Variants in TTC39C observed in about 807,000 individuals in gnomAD.
TTC39C encodes tetratricopeptide repeat protein 39C.
In TTC39C, 33 loss-of-function variants were observed where a neutral mutation model predicts 76.3. The ratio of observed to expected loss-of-function variants is 0.43; its 90% CI spans 0.33 to 0.58. The LOEUF is 0.58. Among genes scored for constraint, TTC39C ranks in the 20% least tolerant of loss-of-function variants. The pLI, the probability that TTC39C is intolerant of heterozygous loss-of-function variation, is 0.04. For missense variants in TTC39C, 595 were observed against 701.4 expected, an observed-to-expected ratio of 0.85 and a Z score of 1.71; for synonymous variants, 254 against 260.6, an observed-to-expected ratio of 0.97 and a Z score of 0.24.
rs142253813 is a variant in TTC39C at position 24,080,907 on chromosome 18, C to G, written c.783C>G (p.Ser261Arg). 6.2e-7 allele frequency: 1 copy of G among 1,613,610 alleles called. No individual in the cohort carries two copies. The highest frequency in any genetic ancestry group is 8.5e-7 in the Non-Finnish European group (1 of 1,179,896). Reference protein sequence around the residue: ...LQGLSSLMYASESKDMKAPLA... With the variant: ...LQGLSSLMYARESKDMKAPLA... Reference sequence around the variant, plus strand: ...GGCTTTCTTCACTGATGTATGCAAGCGAAAGTAAGGACATGAAGGCCCCTT... The same window carrying G: ...GGCTTTCTTCACTGATGTATGCAAGGGAAAGTAAGGACATGAAGGCCCCTT... Residue 261 changes from serine to arginine, a missense_variant, in exon 5 of 14, where the codon AGC (serine) becomes AGG (arginine). By Grantham distance (110) the Ser-to-Arg change is moderately radical. Transcript: ENST00000317571.
chr18:24,086,556 G>T (rs1310345786), intron 6 of TTC39C, among the ~76,000 whole-genome samples: 2 of 152,202 alleles, frequency 1.3e-5, no homozygotes, highest in African/African-American at 2.4e-5. Context: ...TATGGCCTCA[G>T]TTGATGTTGC....
chr18:24,132,741 A>G lies in TTC39C; in HGVS notation c.*167A>G. On this transcript the variant is annotated 3_prime_UTR_variant, in exon 14 of 14. Transcript: ENST00000317571. ...ATATTAAAGATCTCCTCTTTTAAAC[A>G]TGTAGCTGAAAAGTAATAATGATGT... 1 of 513,450 alleles carries G rather than the reference A, an allele frequency of 1.9e-6. No homozygotes were observed. The highest frequency in any genetic ancestry group is 2.0e-5 in the African/African-American group (1 of 51,146). The allele number at this position is 513,450 out of a possible 1,614,324, so 31.8% of individuals were successfully genotyped here.
chr18:24,050,939 A>T (rs1041921377), intron 1 of TTC39C, among the ~76,000 whole-genome samples: 1 of 152,086 alleles, frequency 6.6e-6, no homozygotes, highest in African/African-American at 2.4e-5. Flanking sequence ...TGTATTTTAA[A>T]TTACTTTCAT....
chr18:24,064,054 A>G, intron 1 of TTC39C, 86 bp from the exon 2 acceptor site: 5 of 1,535,714 alleles, frequency 3.3e-6, no homozygotes, highest in Non-Finnish European at 4.4e-6. Context: ...ATTATATGGT[A>G]ATCATGATAT....
upstream of TTC39C, chr18:24,014,410 G>C (rs1427440461): frequency 6.5e-6 from 1 of 153,316 alleles, no homozygotes; most frequent in Non-Finnish European, 1.5e-5. Flanking sequence ...TGGGGCGCTC[G>C]GGTCTCCGGG....
intron 6 of TTC39C, among the ~76,000 whole-genome samples, chr18:24,096,656 C>T (rs2084594167): frequency 6.6e-6 from 1 of 152,088 alleles, no homozygotes; most frequent in Non-Finnish European, 1.5e-5. Flanking sequence ...ATTTTCTCTT[C>T]CTGTCATTGA....
intron 1 of TTC39C, chr18:24,001,694 C>T (rs1364621397): frequency 6.6e-6 from 1 of 152,222 alleles, no homozygotes; most frequent in Non-Finnish European, 1.5e-5. Context: ...TGCTGCATTA[C>T]TCTTGGGTTC....
At chr18:24,070,093 A>G (rs2084218814) in intron 4 of TTC39C, among the ~76,000 whole-genome samples, 2 of 152,240 alleles carry the variant, frequency 1.3e-5, no homozygotes, top group Admixed American at 1.3e-4. Flanking sequence ...GCCTATCAGA[A>G]GCCGGTTTTT....
intron 1 of TTC39C, among the ~76,000 whole-genome samples, chr18:24,023,992 A>G (rs558329795): frequency 4.6e-4 from 2 of 4,334 alleles, no homozygotes; most frequent in East Asian, 0.015. Flanking sequence ...ATATATATAT[A>G]TATATATATA....
chr18:24,013,408 T>A (rs568255615), upstream of TTC39C, among the ~76,000 whole-genome samples: 58 of 152,352 alleles, frequency 3.8e-4, no homozygotes, highest in Admixed American at 3.8e-3. Flanking sequence ...GATATTCTTA[T>A]AAGGGATGGT....
At chr18:24,030,525 C>T (rs139143418) in intron 1 of TTC39C, among the ~76,000 whole-genome samples, 16 of 152,246 alleles carry the variant, frequency 1.1e-4, no homozygotes, top group Non-Finnish European at 1.6e-4. Context: ...TAAATGCCTG[C>T]ACAGACAAAC....
intron 1 of TTC39C, among the ~76,000 whole-genome samples, chr18:24,027,726 A>G (rs564827369): frequency 1.3e-5 from 2 of 151,904 alleles, no homozygotes; most frequent in Non-Finnish European, 2.9e-5. Context: ...CACCCGGCTA[A>G]TTTTTTATTT....
rs1555779358 is a variant in TTC39C at position 24,134,257 on chromosome 18, G to GTTGTTTTTTTTTTTTTTT, written c.*1685_*1686insGTTTTTTTTTTTTTTTTT. On this transcript the variant is annotated 3_prime_UTR_variant, in exon 14 of 14. Coordinates refer to ENST00000317571, the MANE Select transcript of TTC39C (RefSeq NM_001135993.2). ...TGGTGCCCAAAAATATTGGACATCT[G>GTTGTTTTTTTTTTTTTTT]TTTTTTGTTTTTTTTTTTTTTTTTT... is the stretch of plus-strand genomic sequence containing the variant. The GTTGTTTTTTTTTTTTTTT allele has an allele frequency of 4.1e-5, 2 of 48,688 alleles. No individual in the cohort carries two copies. Among genetic ancestry groups the GTTGTTTTTTTTTTTTTTT allele is most frequent in the African/African-American group, 1.2e-4 (2 of 16,714 alleles). 3.0% of individuals were successfully genotyped at this position (48,688 alleles called of 1,614,324 possible). A position where few individuals can be genotyped will look rare whatever the true frequency, so the allele number is the denominator to read the frequency against.
At chr18:24,021,139 AGAGT>A (rs1249410638) in intron 1 of TTC39C, among the ~76,000 whole-genome samples, 20 of 152,146 alleles carry the variant, frequency 1.3e-4, no homozygotes, top group Admixed American at 1.3e-3. Flanking sequence ...GGGAGAAGAG[AGAGT>A]GTCAAGAAAG....
intron 10 of TTC39C, among the ~76,000 whole-genome samples, chr18:24,126,041 T>C (rs1378489509): frequency 3.3e-5 from 5 of 151,956 alleles, no homozygotes; most frequent in Non-Finnish European, 7.4e-5. Flanking sequence ...ACAAAAATTA[T>C]CTGGGCGGGG....
intron 10 of TTC39C, among the ~76,000 whole-genome samples, chr18:24,126,235 G>A (rs2085049973): frequency 6.6e-6 from 1 of 152,046 alleles, no homozygotes; most frequent in Non-Finnish European, 1.5e-5. Context: ...CTTCATATAT[G>A]TGCTGCATTT....
At chr18:24,038,506 C>T (rs557476113) in intron 1 of TTC39C, among the ~76,000 whole-genome samples, 2 of 152,160 alleles carry the variant, frequency 1.3e-5, no homozygotes, top group Non-Finnish European at 2.9e-5. Context: ...TAGTCTTGAA[C>T]TCCTGGGCTC....
Position 24,014,888 on chromosome 18 carries a change from A to T in TTC39C, c.17A>T (p.Gln6Leu), listed in dbSNP as rs371876007. ...CGCACGCCCATGGCCGGCTCGGAGC[A>T]GCAGCGGCCGCGGCGGCGGGACGAC... MAGSE[Q>L]QRPRRRDDGD... Residue 6 changes from glutamine to leucine, a missense_variant, in exon 1 of 14, where the codon CAG (glutamine) becomes CTG (leucine). Transcript: ENST00000317571. 2.7e-6 allele frequency: 4 copies of T among 1,476,732 alleles called. No individual in the cohort carries two copies. The highest frequency in any genetic ancestry group is 3.0e-5 in the African/African-American group (2 of 67,436). The allele number at this position is 1,476,732 out of a possible 1,614,324, so 91.5% of individuals were successfully genotyped here.
At position 24,037,384 on chromosome 18, in the gene TTC39C, A is replaced by G. The variant is rs145391157; in HGVS notation, c.167+22346A>G. Among the ~76,000 whole-genome samples, 588 of 152,306 alleles carry G rather than the reference A, an allele frequency of 3.9e-3. 6 individuals are homozygous for G. The Middle Eastern group carries it at 0.051, about 13-fold the overall frequency. On this transcript the variant is annotated intron_variant, in intron 1 of 13. Transcript: ENST00000317571. ...AATTTTGTCTGTTTTGCTCACTGCT[A>G]TATCCCTAATGTCTGGCATGTAGTA...
Sources: gnomAD v4.1 joint callset for allele counts (sites outside exome capture counted in the v4.1 genomes callset) on GRCh38, gnomAD v4.1.1 for gene constraint, MANE v1.5 for transcripts, NCBI Gene and HGNC (gene_info 2026-07-23, HGNC 2026-07-21) for gene names.